Variants in STX2 observed in about 807,000 individuals in gnomAD.
The protein encoded by STX2 is syntaxin 2, also known as syntaxin-2.
Under a neutral mutation model 40.6 loss-of-function variants are expected in STX2, and 27 were observed. That is an observed-to-expected ratio of 0.66 (90% CI 0.49 to 0.92). The LOEUF is 0.92. Among genes scored for constraint, STX2 ranks in the 40% least tolerant of loss-of-function variants. The probability of loss-of-function intolerance (pLI) is 0.00; values close to 1 mark genes in which losing one functional copy is unlikely to be tolerated. For synonymous variants in STX2, 123 were observed against 119.1 expected, an observed-to-expected ratio of 1.03 and a Z score of -0.22; for missense variants, 328 against 366.1, an observed-to-expected ratio of 0.90 and a Z score of 0.85.
At chr12:130,793,004 T>C (rs979892630) in intron 10 of STX2, among the ~76,000 whole-genome samples, 2 of 152,250 alleles carry the variant, frequency 1.3e-5, no homozygotes, top group South Asian at 2.1e-4. Flanking sequence ...GGCACCGCGC[T>C]GTAGGACTTT....
At chr12:130,800,635 C>T (rs1435923588) in intron 8 of STX2, among the ~76,000 whole-genome samples, 2 of 152,216 alleles carry the variant, frequency 1.3e-5, no homozygotes, top group African/African-American at 4.8e-5. Flanking sequence ...GTAATATATG[C>T]TTCTTATAGA....
intron 1 of STX2, 143 bp downstream of exon 1, chr12:130,838,927 G>T: frequency 1.1e-6 from 1 of 875,756 alleles, no homozygotes; most frequent in Non-Finnish European, 1.5e-6. Context: ...CTGAGACCCT[G>T]CCCGCAGCCC....
At chr12:130,827,988 C>T (rs991767818) in intron 1 of STX2, among the ~76,000 whole-genome samples, 4 of 152,188 alleles carry the variant, frequency 2.6e-5, no homozygotes, top group Admixed American at 6.5e-5. Flanking sequence ...CCCAGAAGAA[C>T]GACCATTGAT....
chr12:130,818,185 A>AAATATAT, intron 3 of STX2, among the ~76,000 whole-genome samples: 11 of 70,538 alleles, frequency 1.6e-4, no homozygotes, highest in African/African-American at 8.3e-4. Context: ...AAAAAAAAAA[A>AAATATAT]ATATATATAT....
intron 3 of STX2, among the ~76,000 whole-genome samples, chr12:130,817,500 G>A (rs1951905419): frequency 6.6e-6 from 1 of 152,136 alleles, no homozygotes; most frequent in Admixed American, 6.5e-5. Context: ...AATTCCAGCC[G>A]CAAAGAGAGA....
intron 8 of STX2, among the ~76,000 whole-genome samples, chr12:130,800,537 C>T (rs957223664): frequency 6.6e-6 from 1 of 152,218 alleles, no homozygotes. Flanking sequence ...TGGGAAACCC[C>T]GTGTAACAGG....
At chr12:130,830,250 C>T (rs901616961) in intron 1 of STX2, among the ~76,000 whole-genome samples, 7 of 152,198 alleles carry the variant, frequency 4.6e-5, no homozygotes, top group African/African-American at 1.7e-4. Context: ...AGAGGCTGCA[C>T]CCATCTCAAT....
At chr12:130,793,031 C>T (rs780365071) in intron 10 of STX2, among the ~76,000 whole-genome samples, 1 of 152,184 alleles carries the variant, frequency 6.6e-6, no homozygotes, top group Non-Finnish European at 1.5e-5. Context: ...TCTTTTTGAA[C>T]AGCAGAGATC....
rs766152482 is a variant in STX2 at position 130,821,705 on chromosome 12, T to G, written c.189A>C (p.Ala63=). ...VKKNHSIILS[A]PNPEGKIKEE... ...ACAACTTACTTCCTTCCGGGTTTGG[T>G]GCAGAAAGAATGATGCTGTGGTTTT... Residue 63 remains alanine, a synonymous_variant, in exon 3 of 11, where the codon GCA becomes GCC. Coordinates refer to ENST00000392373, the MANE Select transcript of STX2 (RefSeq NM_194356.4). The G allele has an allele frequency of 5.6e-6, 9 of 1,613,854 alleles. No individual in the cohort carries two copies. Among genetic ancestry groups the G allele is most frequent in the Non-Finnish European group, 7.6e-6 (9 of 1,179,704 alleles).
intron 1 of STX2, among the ~76,000 whole-genome samples, chr12:130,832,702 G>A (rs574223764): frequency 1.3e-5 from 2 of 152,338 alleles, no homozygotes; most frequent in Non-Finnish European, 2.9e-5. Flanking sequence ...AGGCCGTGGA[G>A]ACGAAGAGAA....
intron 2 of STX2, among the ~76,000 whole-genome samples, chr12:130,823,053 A>G (rs1008467119): frequency 2.0e-5 from 3 of 152,204 alleles, no homozygotes; most frequent in Non-Finnish European, 4.4e-5. Flanking sequence ...CTGTAATCCC[A>G]GCACTTTGGG....
intron 6 of STX2, among the ~76,000 whole-genome samples, chr12:130,802,482 G>A (rs1255043646): frequency 6.6e-6 from 1 of 152,016 alleles, no homozygotes; most frequent in Admixed American, 6.6e-5. Context: ...GCAGGTGTGA[G>A]CCACCGTACC....
In STX2 at chr12:130,790,696, C is replaced by T. The variant is rs1950855324; in HGVS notation, c.*1327G>A. 1 of 152,248 alleles carries T rather than the reference C, an allele frequency of 6.6e-6. No homozygotes were observed. The highest frequency in any genetic ancestry group is 1.5e-5 in the Non-Finnish European group (1 of 68,050). 9.4% of individuals were successfully genotyped at this position (152,248 alleles called of 1,614,324 possible). On this transcript the variant is annotated 3_prime_UTR_variant, in exon 11 of 11. Transcript: ENST00000392373. ...CTCCATGTCTCAGGAATAATTTCCTCGAGTCCCGAGAGTACTGAACCTCAG... is the reference window on the plus strand; with the variant it reads ...CTCCATGTCTCAGGAATAATTTCCTTGAGTCCCGAGAGTACTGAACCTCAG...
intron 1 of STX2, among the ~76,000 whole-genome samples, chr12:130,833,739 T>G (rs74329772): frequency 0.011 from 1,614 of 152,300 alleles, 37 homozygotes; most frequent in African/African-American, 0.037. Flanking sequence ...ATCTCCCTTT[T>G]CTGCTTTAGC....
In STX2 at chr12:130,828,787, G is replaced by C. The variant is rs111380551; in HGVS notation, c.31-1520C>G. On this transcript the variant is annotated intron_variant, in intron 1 of 10. Coordinates refer to ENST00000392373, the MANE Select transcript of STX2 (RefSeq NM_194356.4). ...GGAGGCTGAGGCAGGAAAATGGCAT[G>C]AACCCGGGAGGTGGAGCTTGCAGTG... 4.4e-3 allele frequency among the ~76,000 whole-genome samples: 666 copies of C among 150,492 alleles called. 10 individuals are homozygous for C. Among genetic ancestry groups the C allele is most frequent in the African/African-American group, 0.016 (643 of 41,178 alleles).
intron 3 of STX2, among the ~76,000 whole-genome samples, chr12:130,818,183 A>ATAT (rs1184546368): frequency 9.8e-4 from 20 of 20,344 alleles, no homozygotes; most frequent in African/African-American, 2.9e-3. Flanking sequence ...AAAAAAAAAA[A>ATAT]AAATATATAT....
Position 130,828,314 on chromosome 12 carries a change from G to A in STX2, c.31-1047C>T, listed in dbSNP as rs113863705. ...AGGATCTCGGCTCACTGCAACCTCC[G>A]CCTTCTGGGTTCAAGTAATGCTTAT... On this transcript the variant is annotated intron_variant, in intron 1 of 10. Coordinates refer to ENST00000392373, the MANE Select transcript of STX2 (RefSeq NM_194356.4). 5.1e-3 allele frequency among the ~76,000 whole-genome samples: 767 copies of A among 150,742 alleles called. 5 individuals carry two copies. Among genetic ancestry groups the A allele is most frequent in the African/African-American group, 0.017 (714 of 40,992 alleles).
At chr12:130,803,469 T>C (rs1951302607) in intron 6 of STX2, among the ~76,000 whole-genome samples, 1 of 151,938 alleles carries the variant, frequency 6.6e-6, no homozygotes, top group Non-Finnish European at 1.5e-5. Flanking sequence ...AAACTAGAAA[T>C]TTCAGCTTGG....
At chr12:130,806,891 G>A in intron 6 of STX2, 91 bp downstream of exon 6, 2 of 1,212,426 alleles carry the variant, frequency 1.6e-6, no homozygotes, top group South Asian at 1.3e-5. Flanking sequence ...AAATAGACAT[G>A]GATTTCCTTT....
Sources: gnomAD v4.1 joint callset for allele counts (sites outside exome capture counted in the v4.1 genomes callset) on GRCh38, gnomAD v4.1.1 for gene constraint, MANE v1.5 for transcripts, NCBI Gene and HGNC (gene_info 2026-07-23, HGNC 2026-07-21) for gene names.